Variants in TYMS observed in about 807,000 individuals in gnomAD.
The protein encoded by TYMS is thymidylate synthase.
In TYMS, 21 loss-of-function variants were observed where a neutral mutation model predicts 39.3. The ratio of observed to expected loss-of-function variants is 0.54; its 90% confidence interval spans 0.38 to 0.77. TYMS has a LOEUF of 0.77. TYMS is among the 30% of genes least tolerant of loss of function. The probability of loss-of-function intolerance (pLI) is 0.00; values close to 1 mark genes in which losing one functional copy is unlikely to be tolerated. For synonymous variants in TYMS, 171 were observed against 162.2 expected (o/e 1.05, Z -0.41); for missense variants, 273 against 406.7 (o/e 0.67, Z 2.83).
Position 672,958 on chromosome 18 carries a change from C to T in TYMS, c.903C>T (p.Tyr301=). 3.8e-6 allele frequency: 6 copies of T among 1,584,788 alleles called. No homozygotes were observed. Among genetic ancestry groups the T allele is most frequent in the Non-Finnish European group, 5.2e-6 (6 of 1,157,952 alleles). The change falls in exon 7 of 7, where the codon TAC becomes TAT. Residue 301 remains tyrosine (Y), a synonymous_variant. Transcript: ENST00000323274. ...FKAEDFQIEG[Y]NPHPTIKMEM... Reference sequence around the variant, plus strand: ...CTGAAGACTTTCAGATTGAAGGGTACAATCCGCATCCAACTATTAAAATGG... The same window carrying T: ...CTGAAGACTTTCAGATTGAAGGGTATAATCCGCATCCAACTATTAAAATGG...
chr18:658,381 A>C lies in TYMS; in HGVS notation c.205+434A>C. 1 of 1,265,882 alleles carries C rather than the reference A, an allele frequency of 7.9e-7. No homozygotes were observed. Among genetic ancestry groups the C allele is most frequent in the Non-Finnish European group, 1.0e-6 (1 of 973,938 alleles). 78.4% of individuals were successfully genotyped at this position (1,265,882 alleles called of 1,614,324 possible). On this transcript the variant is annotated intron_variant, in intron 1 of 6. Transcript: ENST00000323274. This position sits in a 1 kb window ranked among gnomAD's most constrained non-coding sequence, Gnocchi z 4.5. ...CCATTCCGCTTCGCAGCGTTTTCAA[A>C]AACTGGAGCGAAAGTGATGTGGGCG...
At chr18:668,272 T>C (rs1022742703) in intron 3 of TYMS, among the ~76,000 whole-genome samples, 2 of 152,256 alleles carry the variant, frequency 1.3e-5, no homozygotes, top group South Asian at 2.1e-4. Context: ...ACAGTGACCA[T>C]GAGAGGACTT....
At chr18:669,997 A>C (rs1370923806) in intron 4 of TYMS, among the ~76,000 whole-genome samples, 1 of 151,492 alleles carries the variant, frequency 6.6e-6, no homozygotes, top group African/African-American at 2.4e-5. Context: ...CTCTATCAGG[A>C]TATCATAAGT....
intron 6 of TYMS, chr18:671,692 A>T: frequency 1.9e-6 from 1 of 523,754 alleles, no homozygotes. Context: ...CAGAGAGGGA[A>T]GAGCCACATT....
At chr18:667,177 GGT>G (rs2144309091) in intron 3 of TYMS, among the ~76,000 whole-genome samples, 8 of 100,896 alleles carry the variant, frequency 7.9e-5, no homozygotes, top group Non-Finnish European at 7.4e-5. Context: ...TGATGGTGAT[GGT>G]GATGGTGATG....
In TYMS at chr18:657,785, C is replaced by G. The variant is rs188268314; in HGVS notation, c.43C>G (p.Pro15Ala). The change falls in exon 1 of 7, where the codon CCC becomes GCC. Residue 15 changes from proline to alanine, a missense_variant. Physicochemically the swap from Pro to Ala is conservative, Grantham distance 27 (BLOSUM62 -1). Transcript: ENST00000323274. ...GGAGCTGCCGCGCCGGCCCTTGCCCCCCGCCGCACAGGAGCGGGACGCCGA... is the reference window on the plus strand; with the variant it reads ...GGAGCTGCCGCGCCGGCCCTTGCCCGCCGCCGCACAGGAGCGGGACGCCGA... ...GSELPRRPLP[P>A]AAQERDAEPR... The G allele has an allele frequency of 3.6e-5, 53 of 1,452,334 alleles. 1 individual carries two copies. Among genetic ancestry groups the G allele is most frequent in the African/African-American group, 3.0e-4 (20 of 66,866 alleles). The allele number at this position is 1,452,334 out of a possible 1,614,324, so 90.0% of individuals were successfully genotyped here. A position where few individuals can be genotyped will look rare whatever the true frequency, so the allele number is the denominator to read the frequency against.
Position 673,000 on chromosome 18 carries a change from T to G in TYMS, c.*3T>G, listed in dbSNP as rs1598485930. 6.4e-7 allele frequency: 1 copy of G among 1,559,386 alleles called. No homozygotes were observed. Among genetic ancestry groups the G allele is most frequent in the Non-Finnish European group, 8.8e-7 (1 of 1,138,822 alleles). ...TTAAAATGGAAATGGCTGTTTAGGGTGCTTTCAAAGGAGCTCGAAGGATAT... is the reference window on the plus strand; with the variant it reads ...TTAAAATGGAAATGGCTGTTTAGGGGGCTTTCAAAGGAGCTCGAAGGATAT... On this transcript the variant is annotated 3_prime_UTR_variant, in exon 7 of 7. Coordinates refer to ENST00000323274, the MANE Select transcript of TYMS (RefSeq NM_001071.4).
chr18:658,242 C>A lies in TYMS; in HGVS notation c.205+295C>A. On this transcript the variant is annotated intron_variant, in intron 1 of 6. Coordinates refer to ENST00000323274, the MANE Select transcript of TYMS (RefSeq NM_001071.4). The surrounding 1 kb of genome is among the most constrained non-coding windows in gnomAD (Gnocchi z 4.5). ...GTGATGCCGTGGCCCCCGAGGCGGGCGTCATCGGGCAGCGTTTGCCCAGTG... is the reference window on the plus strand; with the variant it reads ...GTGATGCCGTGGCCCCCGAGGCGGGAGTCATCGGGCAGCGTTTGCCCAGTG... The A allele has an allele frequency of 6.7e-7, 1 of 1,485,896 alleles. No individual in the cohort carries two copies. Among genetic ancestry groups the A allele is most frequent in the Non-Finnish European group, 9.0e-7 (1 of 1,105,038 alleles). The allele number at this position is 1,485,896 out of a possible 1,614,324, so 92.0% of individuals were successfully genotyped here.
chr18:668,093 A>G (rs1465798166), intron 3 of TYMS, among the ~76,000 whole-genome samples: 3 of 146,734 alleles, frequency 2.0e-5, no homozygotes, highest in Non-Finnish European at 4.4e-5. Flanking sequence ...ATACATTCAC[A>G]TTGGTGCATT....
At chr18:669,366 ATTTTTTTTTTTTTT>A in intron 4 of TYMS, 193 bp downstream of exon 4, 1 of 190,608 alleles carries the variant, frequency 5.2e-6, no homozygotes, top group South Asian at 6.7e-5. Flanking sequence ...GGCCCAGAGG[ATTTTTTTTTTTTTT>A]TTTTTTTTTT....
At chr18:662,603 C>T (rs1395554664) in intron 3 of TYMS, among the ~76,000 whole-genome samples, 8 of 149,322 alleles carry the variant, frequency 5.4e-5, no homozygotes, top group African/African-American at 7.5e-5. Flanking sequence ...CATGCTGGTG[C>T]GCTGCACCCA....
chr18:663,353 T>C (rs1180985404), intron 3 of TYMS, among the ~76,000 whole-genome samples: 1 of 99,646 alleles, frequency 1.0e-5, no homozygotes, highest in Non-Finnish European at 1.9e-5. Flanking sequence ...GCCCACTTTT[T>C]GATGGGGTTG....
Position 672,996 on chromosome 18 carries a change from AG to A in TYMS, c.*2del. The A allele has an allele frequency of 6.4e-7, 1 of 1,561,170 alleles. No individual in the cohort carries two copies. The highest frequency in any genetic ancestry group is 8.8e-7 in the Non-Finnish European group (1 of 1,139,994). ...ACTATTAAAATGGAAATGGCTGTTT[AG>A]GGTGCTTTCAAAGGAGCTCGAAGGA... ...HPTIKMEMAV[*>X] On this transcript the variant is annotated frameshift_variant and stop_lost, in exon 7 of 7. Transcript: ENST00000323274. LOFTEE classifies it high-confidence loss of function.
intron 4 of TYMS, 147 bp downstream of exon 4, chr18:669,320 A>T: frequency 1.8e-6 from 1 of 570,662 alleles, no homozygotes; most frequent in East Asian, 2.9e-5. Flanking sequence ...GGCAAGTCAC[A>T]TTTTGCTGCA....
intron 3 of TYMS, among the ~76,000 whole-genome samples, chr18:662,668 T>C (rs1159598355): frequency 2.7e-5 from 4 of 147,938 alleles, no homozygotes; most frequent in African/African-American, 7.4e-5. Context: ...TCCCCCCTCC[T>C]CCCACCCCAC....
intron 2 of TYMS, among the ~76,000 whole-genome samples, chr18:661,024 T>A (rs2074751017): frequency 6.6e-6 from 1 of 152,206 alleles, no homozygotes. Context: ...TTGAAACATA[T>A]CATCAGAAAC....
At position 659,619 on chromosome 18, in the gene TYMS, C is replaced by A. The variant is rs184989750; in HGVS notation, c.206-22C>A. On this transcript the variant is annotated intron_variant, in intron 1 of 6. Transcript: ENST00000323274. ...ATGATCTGTCTTCCCATCTTGAAAC[C>A]GTATGGCAAATTGTTTTTCAGATGA... The A allele has an allele frequency of 1.7e-5, 27 of 1,608,458 alleles. No homozygotes were observed. In the South Asian group the frequency reaches 3.0e-4, roughly 18 times the overall value.
rs959180600 is a variant in TYMS at position 670,846 on chromosome 18, T to G, written c.711T>G (p.Ile237Met). Residue 237 changes from isoleucine to methionine, a missense_variant, in exon 5 of 7, where the codon ATT becomes ATG. Physicochemically the swap from Ile to Met is conservative, Grantham distance 10 (BLOSUM62 1). Coordinates refer to ENST00000323274, the MANE Select transcript of TYMS (RefSeq NM_001071.4). ...GCTACGCCCTGCTCACGTACATGAT[T>G]GCGCACATCACGGGCCTGAAGGTGG... Reference protein sequence around the residue: ...IASYALLTYMIAHITGLKPGD... With the variant: ...IASYALLTYMMAHITGLKPGD... 1 of 1,613,912 alleles carries G rather than the reference T, an allele frequency of 6.2e-7. No homozygotes were observed. Among genetic ancestry groups the G allele is most frequent in the African/African-American group, 1.3e-5 (1 of 74,866 alleles).
intron 3 of TYMS, 151 bp from the exon 4 acceptor site, chr18:668,921 C>T: frequency 1.7e-6 from 1 of 592,722 alleles, no homozygotes; most frequent in South Asian, 2.5e-5. Context: ...CCACCGAGAT[C>T]TGCAAACTTT....
Sources: allele counts gnomAD v4.1 joint callset (sites outside exome capture counted in the v4.1 genomes callset), GRCh38; gene constraint gnomAD v4.1.1; non-coding constraint Gnocchi (gnomAD v3.1); transcripts MANE v1.5; gene names NCBI Gene and HGNC (gene_info 2026-07-23, HGNC 2026-07-21).